Variants in JAK1 observed in about 807,000 individuals in gnomAD.
The protein encoded by JAK1 is tyrosine-protein kinase JAK1.
JAK1 carries 16 observed loss-of-function variants against 136.6 expected under a neutral mutation model. The observed-to-expected ratio is 0.12, with a 90% confidence interval of 0.08 to 0.18. The LOEUF (loss-of-function observed/expected upper bound fraction) is 0.18, where lower values mean the gene tolerates loss of function less well. Among genes scored for constraint, JAK1 ranks in the 10% least tolerant of loss-of-function variants. JAK1 has a pLI of 1.00. For synonymous variants in JAK1, 492 were observed against 519.5 expected (o/e 0.95, Z 0.72); for missense variants, 859 against 1,450.1 (o/e 0.59, Z 6.62).
At chr1:64,990,174 G>A (rs1262221869) in intron 2 of JAK1, 1 of 150,204 alleles carries the variant, frequency 6.7e-6, no homozygotes, top group Non-Finnish European at 1.5e-5. Flanking sequence ...TGGGTGTGGT[G>A]GCATGTGCCT....
intron 2 of JAK1, among the ~76,000 whole-genome samples, chr1:65,034,809 C>T (rs1647058342): frequency 6.6e-6 from 1 of 152,136 alleles, no homozygotes; most frequent in Non-Finnish European, 1.5e-5. Context: ...AATCCCAGCA[C>T]TTTGCGAGGC....
chr1:64,868,978 C>G (rs1218308895), intron 6 of JAK1, among the ~76,000 whole-genome samples: 1 of 151,958 alleles, frequency 6.6e-6, no homozygotes, highest in East Asian at 1.9e-4. Context: ...TAAGATGGGT[C>G]CAAAACAAAA....
intron 6 of JAK1, among the ~76,000 whole-genome samples, chr1:64,868,980 A>C (rs1266979618): frequency 2.0e-5 from 3 of 152,200 alleles, no homozygotes; most frequent in Admixed American, 2.0e-4. Flanking sequence ...AGATGGGTCC[A>C]AAACAAAAGG....
intron 6 of JAK1, among the ~76,000 whole-genome samples, chr1:64,868,339 G>A (rs982277918): frequency 6.6e-6 from 1 of 152,142 alleles, no homozygotes; most frequent in African/African-American, 2.4e-5. Flanking sequence ...ACCTGGCCCC[G>A]GGTCATCCCT....
At chr1:64,954,426 C>T (rs886433021) in intron 1 of JAK1, among the ~76,000 whole-genome samples, 2 of 152,194 alleles carry the variant, frequency 1.3e-5, no homozygotes, top group African/African-American at 4.8e-5. Context: ...GCTACAAATC[C>T]CACAGAGCTG....
intron 1 of JAK1, among the ~76,000 whole-genome samples, chr1:64,963,179 C>T (rs1474344856): frequency 6.6e-6 from 1 of 152,138 alleles, no homozygotes; most frequent in East Asian, 1.9e-4. Flanking sequence ...ATGAAGGGCA[C>T]AGAAACAAGG....
intron 10 of JAK1, 100 bp from the exon 11 acceptor site, chr1:64,855,798 C>T (rs369237898): frequency 1.1e-6 from 1 of 927,922 alleles, no homozygotes; most frequent in South Asian, 1.8e-5. Context: ...AGTAATTTTG[C>T]ACCATCTCTG....
chr1:65,016,350 G>T (rs1463480297), intron 2 of JAK1, among the ~76,000 whole-genome samples: 1 of 152,192 alleles, frequency 6.6e-6, no homozygotes, highest in South Asian at 2.1e-4. Flanking sequence ...GGCCGAGCAT[G>T]GTGGCTTATG....
At chr1:65,054,156 G>A (rs985223393) in intron 1 of JAK1, among the ~76,000 whole-genome samples, 1 of 152,084 alleles carries the variant, frequency 6.6e-6, no homozygotes, top group African/African-American at 2.4e-5. Flanking sequence ...CCTTAGGGAA[G>A]GTTACTGCTA....
At chr1:65,040,332 G>T (rs1347168840) in intron 2 of JAK1, among the ~76,000 whole-genome samples, 1 of 151,908 alleles carries the variant, frequency 6.6e-6, no homozygotes, top group African/African-American at 2.4e-5. Context: ...CCTTTCTATC[G>T]TCTAGAGGCC....
At chr1:64,854,099 G>C (rs1655771808) in intron 11 of JAK1, among the ~76,000 whole-genome samples, 1 of 152,164 alleles carries the variant, frequency 6.6e-6, no homozygotes, top group Non-Finnish European at 1.5e-5. Context: ...AGCCTGGCAG[G>C]AACCCCTATC....
intron 1 of JAK1, among the ~76,000 whole-genome samples, chr1:64,935,340 C>T (rs1645769281): frequency 1.3e-5 from 2 of 152,196 alleles, no homozygotes; most frequent in Admixed American, 1.3e-4. Flanking sequence ...ACTCTTGTTG[C>T]CCAGGCTAGA....
At chr1:64,985,292 C>A in intron 2 of JAK1, 1 of 1,609,810 alleles carries the variant, frequency 6.2e-7, no homozygotes, top group Non-Finnish European at 8.5e-7. Context: ...TGATGATGGG[C>A]TGTCGGTAGC....
chr1:65,048,616 G>A (rs185180994), intron 1 of JAK1, among the ~76,000 whole-genome samples: 19 of 152,274 alleles, frequency 1.2e-4, no homozygotes, highest in Non-Finnish European at 2.4e-4. Context: ...ACAAAGACAC[G>A]CTGATTCATT....
chr1:64,839,424 A>G, intron 20 of JAK1, 179 bp downstream of exon 20: 2 of 539,380 alleles, frequency 3.7e-6, no homozygotes, highest in Non-Finnish European at 6.4e-6. Context: ...CCTCCTCAGG[A>G]GCCCTGCAGC....
At chr1:65,024,660 CAAAA>C (rs11349903) in intron 2 of JAK1, among the ~76,000 whole-genome samples, 1 of 69,862 alleles carries the variant, frequency 1.4e-5, no homozygotes, top group Non-Finnish European at 3.0e-5. Flanking sequence ...TGGTCCAAAG[CAAAA>C]AAAAAAAAAA....
chr1:64,927,726 A>C lies in JAK1; in HGVS notation c.-78+38607T>G, dbSNP rs922607538. ...TGCCATTCTCTCTATTTGGTCAACG[A>C]TGAGTATCGATCAACTCAAACGTCT... On this transcript the variant is annotated intron_variant, in intron 1 of 24. Coordinates refer to ENST00000342505, the MANE Select transcript of JAK1 (RefSeq NM_002227.4). Among the ~76,000 whole-genome samples the C allele has an allele frequency of 1.1e-4, 17 of 152,244 alleles. 1 individual carries two copies. The highest frequency in any genetic ancestry group is 1.1e-3 in the Admixed American group (17 of 15,288).
intron 4 of JAK1, 106 bp from the exon 5 acceptor site, chr1:64,873,629 G>A: frequency 1.5e-6 from 2 of 1,290,504 alleles, no homozygotes; most frequent in Non-Finnish European, 2.2e-6. Flanking sequence ...GAAGTGCCCT[G>A]AGAAGCAGGC....
chr1:64,923,574 AT>A (rs1645533042), intron 1 of JAK1, among the ~76,000 whole-genome samples: 1 of 152,178 alleles, frequency 6.6e-6, no homozygotes, highest in Non-Finnish European at 1.5e-5. Context: ...TCTGGCTAAG[AT>A]TCTCAGGCCC....
Sources: gnomAD v4.1 joint callset for allele counts (sites outside exome capture counted in the v4.1 genomes callset) on GRCh38, gnomAD v4.1.1 for gene constraint, MANE v1.5 for transcripts, NCBI Gene and HGNC (gene_info 2026-07-23, HGNC 2026-07-21) for gene names.